The following CRTAC1 variants were observed in gnomAD, a reference collection of about 807,000 sequenced individuals.
CRTAC1 encodes acidic secreted protein in cartilage.
CRTAC1 carries 37 observed loss-of-function variants against 67.8 expected under a neutral mutation model. That is an observed-to-expected ratio of 0.55 (90% confidence interval 0.42 to 0.72). The LOEUF is 0.72. Among genes scored for constraint, CRTAC1 ranks in the 30% least tolerant of loss-of-function variants. The pLI is 0.00. For missense variants in CRTAC1, 780 were observed against 931.6 expected (o/e 0.84, Z 2.12); for synonymous variants, 348 against 371.0 (o/e 0.94, Z 0.71).
chr10:97,961,908 A>G (rs1334944979), intron 2 of CRTAC1, among the ~76,000 whole-genome samples: 1 of 152,202 alleles, frequency 6.6e-6, no homozygotes, highest in African/African-American at 2.4e-5. Context: ...GTCTAATTTT[A>G]ACAGTAACTG....
chr10:97,880,363 C>T lies in CRTAC1; in HGVS notation c.1705G>A (p.Val569Met), dbSNP rs2297935. Residue 569 changes from valine to methionine, a missense_variant, in exon 14 of 15, where the codon GTG (valine) becomes ATG (methionine). Physicochemically the swap from Val to Met is conservative, Grantham distance 21. Transcript: ENST00000370597. Reference protein sequence around the residue: ...DTNECIQFPFVCPRDKPVCVN... With the variant: ...DTNECIQFPFMCPRDKPVCVN... ...CATACGGGCTTGTCTCGAGGGCACA[C>T]GAATGGGAACTGGATGCATTCATTG... 40,879 of 1,614,024 alleles carry T rather than the reference C, an allele frequency of 0.025. 618 individuals are homozygous for T. The highest frequency in any genetic ancestry group is 0.031 in the Non-Finnish European group (36,734 of 1,179,894).
At chr10:97,955,147 T>C (rs970876267) in intron 2 of CRTAC1, among the ~76,000 whole-genome samples, 1 of 152,204 alleles carries the variant, frequency 6.6e-6, no homozygotes, top group Admixed American at 6.5e-5. Flanking sequence ...TGTTTGTATT[T>C]TCTTTCACAA....
chr10:97,874,804 AG>A (rs1232060703), intron 14 of CRTAC1, among the ~76,000 whole-genome samples: 1 of 151,990 alleles, frequency 6.6e-6, no homozygotes, highest in Non-Finnish European at 1.5e-5. Context: ...TTTCTCAGGG[AG>A]CCCCCCTGCC....
intron 7 of CRTAC1, among the ~76,000 whole-genome samples, chr10:97,903,070 A>G (rs955257944): frequency 6.6e-6 from 1 of 151,358 alleles, no homozygotes; most frequent in Non-Finnish European, 1.5e-5. Context: ...ACAGTTCGTG[A>G]CACATGGAAG....
intron 7 of CRTAC1, among the ~76,000 whole-genome samples, chr10:97,902,789 A>C (rs1366479391): frequency 6.6e-6 from 1 of 152,026 alleles, no homozygotes; most frequent in East Asian, 1.9e-4. Context: ...AGCCACAGGG[A>C]TGAGCAGGCT....
chr10:97,906,909 C>A (rs2050620059), intron 6 of CRTAC1, among the ~76,000 whole-genome samples: 1 of 152,168 alleles, frequency 6.6e-6, no homozygotes, highest in African/African-American at 2.4e-5. Flanking sequence ...CTGGCAACAG[C>A]CAGAGCTTGC....
intron 11 of CRTAC1, among the ~76,000 whole-genome samples, chr10:97,890,925 C>T (rs1351249148): frequency 2.6e-5 from 4 of 152,212 alleles, no homozygotes; most frequent in Admixed American, 2.6e-4. Flanking sequence ...CCTTGGCCTC[C>T]CAAAGCGCTG....
chr10:97,991,106 A>AAAAC (rs1842445523), intron 2 of CRTAC1, among the ~76,000 whole-genome samples: 1 of 143,480 alleles, frequency 7.0e-6, no homozygotes, highest in African/African-American at 2.7e-5. Flanking sequence ...CTACAAAAAA[A>AAAAC]AAAAAAAAAA....
intron 8 of CRTAC1, among the ~76,000 whole-genome samples, chr10:97,899,118 T>C (rs958956379): frequency 1.9e-4 from 29 of 152,240 alleles, no homozygotes; most frequent in African/African-American, 7.0e-4. Flanking sequence ...AAAGCCCCCG[T>C]GGTGTGGGAC....
At chr10:97,926,277 G>A (rs1033642814) in intron 3 of CRTAC1, among the ~76,000 whole-genome samples, 6 of 152,158 alleles carry the variant, frequency 3.9e-5, no homozygotes, top group Non-Finnish European at 8.8e-5. Context: ...CCAGTCGGCC[G>A]GAGTCGCATC....
chr10:98,030,572 C>T lies in CRTAC1; in HGVS notation c.-100G>A. 2.4e-6 allele frequency: 2 copies of T among 843,324 alleles called. No homozygotes were observed. Among genetic ancestry groups the T allele is most frequent in the Non-Finnish European group, 3.2e-6 (2 of 630,300 alleles). 52.2% of individuals were successfully genotyped at this position (843,324 alleles called of 1,614,324 possible). A position where few individuals can be genotyped will look rare whatever the true frequency, so the allele number is the denominator to read the frequency against. On this transcript the variant is annotated 5_prime_UTR_variant, in exon 1 of 15. Transcript: ENST00000370597. The surrounding 1 kb of genome is among the most constrained non-coding windows in gnomAD (Gnocchi z 4.2). Reference sequence around the variant, plus strand: ...CGCCTGCTTGCTCCCAGCCCCGGTCCCGGGCTGGCCTCGAGCCTCCCGCCC... The same window carrying T: ...CGCCTGCTTGCTCCCAGCCCCGGTCTCGGGCTGGCCTCGAGCCTCCCGCCC...
intron 3 of CRTAC1, among the ~76,000 whole-genome samples, chr10:97,930,861 A>G (rs1015075494): frequency 7.9e-5 from 12 of 152,104 alleles, no homozygotes; most frequent in Admixed American, 7.9e-4. Flanking sequence ...GAAAAGAGTG[A>G]TAAATCCAAG....
intron 2 of CRTAC1, among the ~76,000 whole-genome samples, chr10:97,972,584 A>AT (rs1183630015): frequency 6.6e-6 from 1 of 152,264 alleles, no homozygotes; most frequent in African/African-American, 2.4e-5. Context: ...TCTGAATAAA[A>AT]TGTTGAAAAC....
rs781652046 is a variant in CRTAC1 at position 97,865,725 on chromosome 10, G to T, written c.1820-11C>A. The T allele has an allele frequency of 1.3e-6, 2 of 1,584,250 alleles. No individual in the cohort carries two copies. The highest frequency in any genetic ancestry group is 1.3e-5 in the African/African-American group (1 of 74,408). ...ACTGGCCGAGAGTCCCTGTAGGGAG[G>T]TGTATGGCCGGAGTGAGGGCCTTGC... On this transcript the variant is annotated splice_polypyrimidine_tract_variant and intron_variant, in intron 14 of 14. Transcript: ENST00000370597.
chr10:97,871,611 G>T (rs373899487), intron 14 of CRTAC1: 56 of 152,148 alleles, frequency 3.7e-4, no homozygotes, highest in African/African-American at 1.3e-3. Context: ...CGAACACTGG[G>T]GTGTTGAAAT....
chr10:97,902,855 T>G (rs1204903782), intron 7 of CRTAC1, among the ~76,000 whole-genome samples: 1 of 151,236 alleles, frequency 6.6e-6, no homozygotes, highest in African/African-American at 2.4e-5. Context: ...GCTGTCTCCA[T>G]CAGAGGAGTA....
Position 97,937,607 on chromosome 10 carries a change from T to C in CRTAC1, c.225-1241A>G, listed in dbSNP as rs564119952. 1.2e-4 allele frequency among the ~76,000 whole-genome samples: 18 copies of C among 152,328 alleles called. No homozygotes were observed. The South Asian group carries it at 2.9e-3, about 25-fold the overall frequency. On this transcript the variant is annotated intron_variant, in intron 2 of 14. Transcript: ENST00000370597. ...AATATTTGCTAGCTGATTGAATGAA[T>C]GAAAGCTCAGAGCTCATGTCTGAAT...
At chr10:97,871,794 T>C (rs1257034362) in intron 14 of CRTAC1, among the ~76,000 whole-genome samples, 1 of 152,190 alleles carries the variant, frequency 6.6e-6, no homozygotes, top group Non-Finnish European at 1.5e-5. Flanking sequence ...GATTGACTCA[T>C]AAAGATAGAA....
chr10:97,915,430 G>C (rs1039507453), intron 5 of CRTAC1, among the ~76,000 whole-genome samples: 5 of 152,172 alleles, frequency 3.3e-5, no homozygotes, highest in Middle Eastern at 3.2e-3. Flanking sequence ...GTGCTGTGTG[G>C]CTTGGCTCCA....
Sources: allele counts gnomAD v4.1 joint callset (sites outside exome capture counted in the v4.1 genomes callset), GRCh38; gene constraint gnomAD v4.1.1; non-coding constraint Gnocchi (gnomAD v3.1); transcripts MANE v1.5; gene names NCBI Gene and HGNC (gene_info 2026-07-23, HGNC 2026-07-21).